RAB33A: variants seen among roughly 807,000 people sequenced by gnomAD.
The protein encoded by RAB33A is ras-related protein Rab-33A.
A neutral mutation model predicts 12.0 loss-of-function variants in RAB33A; 6 were observed. The ratio of observed to expected loss-of-function variants is 0.50; its 90% CI spans 0.27 to 0.99. The LOEUF is 0.99. Among genes scored for constraint, RAB33A ranks in the 50% least tolerant of loss-of-function variants. The probability of loss-of-function intolerance (pLI) is 0.11; values close to 1 mark genes in which losing one functional copy is unlikely to be tolerated. For missense variants in RAB33A, 109 were observed against 192.0 expected (o/e 0.57, Z 2.55); for synonymous variants, 70 against 82.4 (o/e 0.85, Z 0.81).
chrX:130,145,568 T>C, the RAB33A span: 1 of 1,176,371 alleles, frequency 8.5e-7, no homozygotes, highest in East Asian at 3.0e-5. Flanking sequence ...TGGAAATATA[T>C]GCTGTATGGA....
chrX:130,136,331 A>G, the RAB33A span: 1 of 726,091 alleles, frequency 1.4e-6, no homozygotes, highest in Non-Finnish European at 2.1e-6. Context: ...TTTAAGTTCT[A>G]TTTCATAAGC....
the RAB33A span, among the ~76,000 whole-genome samples, chrX:130,142,522 A>T: frequency 8.9e-6 from 1 of 111,740 alleles, no homozygotes; most frequent in African/African-American, 3.2e-5. Context: ...GTCCCATCCA[A>T]TAGGTCCCAC....
the RAB33A span, among the ~76,000 whole-genome samples, chrX:130,152,098 G>A: frequency 5.8e-5 from 6 of 104,122 alleles, no homozygotes; most frequent in African/African-American, 2.1e-4. Flanking sequence ...AAAGGGAAGA[G>A]AAGAGAAGAG....
chrX:130,184,554 C>G lies in RAB33A; in HGVS notation c.528C>G (p.Leu176=). 8.3e-7 allele frequency: 1 copy of G among 1,211,884 alleles called. No homozygotes were observed. Among genetic ancestry groups the G allele is most frequent in the Non-Finnish European group, 1.1e-6 (1 of 895,577 alleles). Residue 176 remains leucine (L), a synonymous_variant, in exon 2 of 2, where the codon CTC becomes CTG. Transcript: ENST00000257017. ...ALKFADAHNM[L]LFETSAKDPK... ...AATTTGCTGATGCCCACAACATGCT[C>G]TTGTTTGAGACATCGGCCAAGGACC...
At chrX:130,145,424 C>T in the RAB33A span, 1 of 925,417 alleles carries the variant, frequency 1.1e-6, no homozygotes, top group Non-Finnish European at 1.6e-6. Flanking sequence ...CATCACCATA[C>T]TGGCTGGTGG....
the RAB33A span, chrX:130,139,671 A>G: frequency 1.6e-6 from 1 of 613,729 alleles, no homozygotes; most frequent in Non-Finnish European, 2.7e-6. Context: ...GCCAGATAAC[A>G]AGTCTGGAGA....
the RAB33A span, among the ~76,000 whole-genome samples, chrX:130,132,326 CCA>C: frequency 8.9e-6 from 1 of 112,323 alleles, no homozygotes; most frequent in Non-Finnish European, 1.9e-5. Context: ...TTATACACGA[CCA>C]CATATCCATG....
the RAB33A span, among the ~76,000 whole-genome samples, chrX:130,127,691 C>CTTTTTTTTTTTT: frequency 1.2e-4 from 9 of 76,996 alleles, 1 homozygote; most frequent in African/African-American, 2.4e-4. Context: ...ATGAGTTTTC[C>CTTTTTTTTTTTT]TTTTTTTTTT....
chrX:130,130,132 G>A, the RAB33A span: 7 of 1,209,922 alleles, frequency 5.8e-6, no homozygotes, highest in East Asian at 3.0e-5. Flanking sequence ...CTGAGGCCTC[G>A]GACTCTGTCT....
chrX:130,174,065 G>A (rs994291863), intron 1 of RAB33A, among the ~76,000 whole-genome samples: 6 of 111,909 alleles, frequency 5.4e-5, no homozygotes, highest in African/African-American at 1.3e-4. Context: ...AGATGAACAC[G>A]AGTGGAAGAG....
upstream of RAB33A, among the ~76,000 whole-genome samples, chrX:130,171,080 G>C (rs993732083): frequency 8.8e-6 from 1 of 113,116 alleles, no homozygotes. Flanking sequence ...GTGATAAGGG[G>C]ATGTTGGCGC....
the RAB33A span, chrX:130,165,626 C>G: frequency 8.3e-7 from 1 of 1,200,978 alleles, no homozygotes; most frequent in Non-Finnish European, 1.1e-6. Context: ...TGCTTCAAAG[C>G]ACCCGCCGCC....
At chrX:130,182,520 C>T (rs190872848) in intron 1 of RAB33A, among the ~76,000 whole-genome samples, 4 of 109,413 alleles carry the variant, frequency 3.7e-5, no homozygotes, top group East Asian at 5.7e-4. Flanking sequence ...TTTGGGAAGC[C>T]GAGGCAGGCG....
At chrX:130,118,490 G>A in the RAB33A span, among the ~76,000 whole-genome samples, 1 of 112,911 alleles carries the variant, frequency 8.9e-6, no homozygotes, top group Middle Eastern at 4.2e-3. Flanking sequence ...CAGTGGAAAT[G>A]CAGCCACTCT....
At chrX:130,156,093 A>C in the RAB33A span, among the ~76,000 whole-genome samples, 1 of 112,046 alleles carries the variant, frequency 8.9e-6, no homozygotes, top group African/African-American at 3.2e-5. Context: ...AAATAGGTCA[A>C]AATCAAATAT....
At chrX:130,154,461 A>C in the RAB33A span, among the ~76,000 whole-genome samples, 1 of 112,444 alleles carries the variant, frequency 8.9e-6, no homozygotes, top group African/African-American at 3.2e-5. Context: ...GAAATGCAAA[A>C]AGTAAGGCTC....
chrX:130,143,047 T>C, the RAB33A span, among the ~76,000 whole-genome samples: 1 of 112,025 alleles, frequency 8.9e-6, no homozygotes, highest in African/African-American at 3.2e-5. Context: ...GGTTTCCTCA[T>C]ACTGCTCTTT....
At chrX:130,133,383 C>T in the RAB33A span, 2 of 1,211,074 alleles carry the variant, frequency 1.7e-6, no homozygotes, top group Non-Finnish European at 2.2e-6. Context: ...CTTCCACTCA[C>T]AACAGCGTGA....
intron 1 of RAB33A, among the ~76,000 whole-genome samples, chrX:130,180,699 G>A (rs1359719631): frequency 2.0e-5 from 2 of 102,537 alleles, no homozygotes; most frequent in Admixed American, 1.0e-4. Flanking sequence ...CTCGTGATCC[G>A]CCCGCCTCAG....
Sources: allele counts gnomAD v4.1 joint callset (sites outside exome capture counted in the v4.1 genomes callset), GRCh38; gene constraint gnomAD v4.1.1; transcripts MANE v1.5; gene names NCBI Gene and HGNC (gene_info 2026-07-23, HGNC 2026-07-21).